The following SETD7 variants were observed in gnomAD, a reference collection of about 807,000 sequenced individuals.
SETD7 encodes histone-lysine N-methyltransferase SETD7.
A neutral mutation model predicts 41.8 loss-of-function variants in SETD7; 16 were observed. That is an observed-to-expected ratio of 0.38 (90% confidence interval 0.26 to 0.58). SETD7 has a LOEUF of 0.58. Among genes scored for constraint, SETD7 ranks in the 20% least tolerant of loss-of-function variants. The pLI is 0.64. For missense variants in SETD7, 346 were observed against 459.7 expected (o/e 0.75, Z 2.26); for synonymous variants, 163 against 169.7 (o/e 0.96, Z 0.31).
downstream of SETD7, among the ~76,000 whole-genome samples, chr4:139,501,245 G>A (rs1475357415): frequency 4.6e-5 from 7 of 152,186 alleles, no homozygotes; most frequent in African/African-American, 1.7e-4. Context: ...GCCCAGAAGA[G>A]GGACTGCTAT....
Position 139,546,979 on chromosome 4 carries a change from C to T in SETD7, c.111G>A (p.Glu37=). 6.2e-7 allele frequency: 1 copy of T among 1,614,200 alleles called. No homozygotes were observed. Among genetic ancestry groups the T allele is most frequent in the East Asian group, 2.2e-5 (1 of 44,888 alleles). The part of the protein sequence containing the change: ...TVTYSSTDRF[E]GNFVHGEKNG... ...TCTTTTCTCCGTGAACAAAGTTCCC[C>T]TCAAATCTGTCTGTGGAGGAGTAGG... The change falls in exon 2 of 8, where the codon GAG becomes GAA. Residue 37 remains glutamate (E), a synonymous_variant. Transcript: ENST00000274031.
At chr4:139,496,562 AT>A (rs1391638791) in intron 7 of SETD7, 2 of 697,486 alleles carry the variant, frequency 2.9e-6, no homozygotes, top group Non-Finnish European at 5.2e-6. Context: ...GTTTTCAGAG[AT>A]TATTAAGGTA....
chr4:139,543,425 G>T (rs187260116), intron 2 of SETD7, among the ~76,000 whole-genome samples: 2 of 152,046 alleles, frequency 1.3e-5, no homozygotes, highest in Non-Finnish European at 1.5e-5. Flanking sequence ...CAGATGTCTC[G>T]TAACATGATC....
chr4:139,544,290 C>CTAAAATAAAA (rs56306311), intron 2 of SETD7, among the ~76,000 whole-genome samples: 3,159 of 136,140 alleles, frequency 0.023, 104 homozygotes, highest in African/African-American at 0.075. Context: ...GAGAACCCAT[C>CTAAAATAAAA]TAAAATAAAA....
intron 2 of SETD7, among the ~76,000 whole-genome samples, chr4:139,540,997 T>C (rs192046459): frequency 1.9e-3 from 296 of 152,352 alleles, no homozygotes; most frequent in African/African-American, 6.8e-3. Flanking sequence ...CTCAGGTTAT[T>C]TGGCCAGTGA....
intron 2 of SETD7, among the ~76,000 whole-genome samples, chr4:139,536,767 C>A (rs1727650425): frequency 6.6e-6 from 1 of 151,086 alleles, no homozygotes; most frequent in African/African-American, 2.4e-5. Context: ...CCTTTGGAGG[C>A]CGAGGCAGGA....
At chr4:139,502,110 T>C (rs76803818), downstream of SETD7, among the ~76,000 whole-genome samples, 4,318 of 152,298 alleles carry the variant, frequency 0.028, 211 homozygotes, top group African/African-American at 0.096. Context: ...CAACCCAAGA[T>C]GATTACCCAA....
Position 139,555,042 on chromosome 4 carries a change from A to G in SETD7, c.40+1056T>C, listed in dbSNP as rs1728216486. Among the ~76,000 whole-genome samples, 1 of 152,220 alleles carries G rather than the reference A, an allele frequency of 6.6e-6. No individual in the cohort carries two copies. The highest frequency in any genetic ancestry group is 1.5e-5 in the Non-Finnish European group (1 of 68,044). On this transcript the variant is annotated intron_variant, in intron 1 of 7. Coordinates refer to ENST00000274031, the MANE Select transcript of SETD7 (RefSeq NM_030648.4). This position sits in a 1 kb window ranked among gnomAD's most constrained non-coding sequence, Gnocchi z 4.0. ...ATCATACCACACCACACTGAAAAAC[A>G]TCACGACGTACTGTATGGAGTGGAA...
intron 2 of SETD7, among the ~76,000 whole-genome samples, chr4:139,536,420 A>C (rs1326316355): frequency 1.3e-5 from 2 of 152,206 alleles, no homozygotes; most frequent in Non-Finnish European, 2.9e-5. Context: ...CTATCAAAAA[A>C]GAAAGAAGCC....
At chr4:139,541,277 G>C (rs929395513) in intron 2 of SETD7, among the ~76,000 whole-genome samples, 3 of 152,202 alleles carry the variant, frequency 2.0e-5, no homozygotes, top group African/African-American at 7.2e-5. Context: ...TTCTAGGATT[G>C]TGAAAAGTCT....
chr4:139,541,459 C>G (rs1031461918), intron 2 of SETD7, among the ~76,000 whole-genome samples: 5 of 151,824 alleles, frequency 3.3e-5, no homozygotes, highest in African/African-American at 1.2e-4. Context: ...TCCACGGGTA[C>G]CAGACAGACT....
intron 5 of SETD7, among the ~76,000 whole-genome samples, chr4:139,522,741 C>A (rs1490225897): frequency 1.1e-5 from 1 of 93,450 alleles, no homozygotes; most frequent in Non-Finnish European, 1.9e-5. Context: ...CCCAGCTGCT[C>A]TTTTTTTTTT....
At chr4:139,548,884 T>C (rs1255989692) in intron 1 of SETD7, among the ~76,000 whole-genome samples, 1 of 152,178 alleles carries the variant, frequency 6.6e-6, no homozygotes, top group Non-Finnish European at 1.5e-5. Context: ...CATAATTGCT[T>C]TCTTCTCGCT....
chr4:139,517,707 G>C (rs563294576), intron 7 of SETD7, among the ~76,000 whole-genome samples, 178 bp downstream of exon 7: 2 of 152,294 alleles, frequency 1.3e-5, no homozygotes, highest in African/African-American at 2.4e-5. Context: ...CAAAGCCACA[G>C]AGTGAGGCTG....
intron 3 of SETD7, chr4:139,532,818 T>G (rs1018215703): frequency 3.0e-6 from 1 of 329,920 alleles, no homozygotes; most frequent in Non-Finnish European, 5.6e-6. Context: ...ATAGCAACAA[T>G]GAAAATTTCC....
chr4:139,550,631 C>A, intron 1 of SETD7, among the ~76,000 whole-genome samples: 1 of 152,170 alleles, frequency 6.6e-6, no homozygotes, highest in East Asian at 1.9e-4. Flanking sequence ...CTTCTTTCAA[C>A]ATTAGTGCTA....
intron 2 of SETD7, among the ~76,000 whole-genome samples, chr4:139,542,103 T>TA (rs1280350589): frequency 6.6e-6 from 1 of 152,214 alleles, no homozygotes; most frequent in Non-Finnish European, 1.5e-5. Flanking sequence ...TGAATGATCC[T>TA]AGAGGACATC....
intron 2 of SETD7, among the ~76,000 whole-genome samples, chr4:139,543,693 C>A (rs559997547): frequency 6.6e-6 from 1 of 151,798 alleles, no homozygotes; most frequent in African/African-American, 2.4e-5. Flanking sequence ...TGGCTCACAC[C>A]CGTAATCCCA....
intron 4 of SETD7, among the ~76,000 whole-genome samples, chr4:139,524,017 C>T (rs1413409681): frequency 6.6e-6 from 1 of 152,158 alleles, no homozygotes; most frequent in African/African-American, 2.4e-5. Context: ...GGAACACTGG[C>T]TCTCTGTGAA....
Sources: allele counts gnomAD v4.1 joint callset (sites outside exome capture counted in the v4.1 genomes callset), GRCh38; gene constraint gnomAD v4.1.1; non-coding constraint Gnocchi (gnomAD v3.1); transcripts MANE v1.5; gene names NCBI Gene and HGNC (gene_info 2026-07-23, HGNC 2026-07-21).